The following C3orf18 variants were observed in gnomAD, a reference collection of about 807,000 sequenced individuals.
C3orf18 encodes uncharacterized protein C3orf18.
A neutral mutation model predicts 14.1 loss-of-function variants in C3orf18; 12 were observed. The ratio of observed to expected loss-of-function variants is 0.85; its 90% CI spans 0.55 to 1.38. The LOEUF (loss-of-function observed/expected upper bound fraction) is 1.38. C3orf18 is among the 40% of genes most tolerant of loss of function. The pLI is 0.00. For synonymous variants in C3orf18, 82 were observed against 87.9 expected (o/e 0.93, Z 0.38); for missense variants, 196 against 213.9 (o/e 0.92, Z 0.52).
At chr3:50,573,641 C>T (rs1701262936), upstream of C3orf18, among the ~76,000 whole-genome samples, 1 of 152,214 alleles carries the variant, frequency 6.6e-6, no homozygotes, top group East Asian at 1.9e-4. Flanking sequence ...TCTTGCTGTG[C>T]AGACATTTCT....
chr3:50,572,204 C>T, upstream of C3orf18: 4 of 1,610,622 alleles, frequency 2.5e-6, no homozygotes, highest in South Asian at 4.4e-5. Flanking sequence ...CGGCCAGAAA[C>T]AGAGGTAGGT....
At chr3:50,561,267 C>A (rs912895566) in intron 4 of C3orf18, among the ~76,000 whole-genome samples, 8 of 152,264 alleles carry the variant, frequency 5.3e-5, no homozygotes, top group Non-Finnish European at 8.8e-5. Flanking sequence ...GCCAGGGAGG[C>A]AGCAGTTACC....
chr3:50,572,140 G>C (rs778883009), upstream of C3orf18: 1 of 1,614,024 alleles, frequency 6.2e-7, no homozygotes, highest in Admixed American at 1.7e-5. Flanking sequence ...CATCCTTGGA[G>C]AGTGGGACTT....
At chr3:50,572,837 A>G (rs1244224402), upstream of C3orf18, among the ~76,000 whole-genome samples, 1 of 152,204 alleles carries the variant, frequency 6.6e-6, no homozygotes, top group Non-Finnish European at 1.5e-5. Flanking sequence ...GACGCTTTAT[A>G]TGGCCCTTCT....
chr3:50,559,130 G>T lies in C3orf18; in HGVS notation c.*527C>A, dbSNP rs1699820014. 7.8e-7 allele frequency: 1 copy of T among 1,289,828 alleles called. No homozygotes were observed. The highest frequency in any genetic ancestry group is 1.5e-5 in the African/African-American group (1 of 65,964). The allele number at this position is 1,289,828 out of a possible 1,614,324, so 79.9% of individuals were successfully genotyped here. A position where few individuals can be genotyped will look rare whatever the true frequency, so the allele number is the denominator to read the frequency against. The stretch of plus-strand genomic sequence containing the variant: ...CTTCTCCTGGCATCCTTGCATACTG[G>T]ACAGTTTCAGCTCCATCTCTGGGCT... On this transcript the variant is annotated 3_prime_UTR_variant, in exon 6 of 6. Transcript: ENST00000357203.
intron 5 of C3orf18, among the ~76,000 whole-genome samples, 166 bp from the exon 6 acceptor site, chr3:50,559,903 C>T (rs1699861804): frequency 6.6e-6 from 1 of 152,248 alleles, no homozygotes; most frequent in South Asian, 2.1e-4. Flanking sequence ...TATGACTTGG[C>T]TCAGATGACT....
At chr3:50,568,039 C>T (rs1308765100), upstream of C3orf18, among the ~76,000 whole-genome samples, 1 of 152,246 alleles carries the variant, frequency 6.6e-6, no homozygotes, top group Non-Finnish European at 1.5e-5. Flanking sequence ...ACAGAGGAGA[C>T]TTGGGGAGAG....
intron 1 of C3orf18, among the ~76,000 whole-genome samples, chr3:50,567,163 C>G (rs559238546): frequency 2.0e-5 from 3 of 152,180 alleles, no homozygotes; most frequent in Non-Finnish European, 4.4e-5. Flanking sequence ...CTTTTCTTGG[C>G]TTTGCAACTG....
chr3:50,564,539 G>A (rs1406850227), intron 3 of C3orf18, among the ~76,000 whole-genome samples: 2 of 152,146 alleles, frequency 1.3e-5, no homozygotes, highest in Non-Finnish European at 2.9e-5. Context: ...AGTCTGGAAA[G>A]CATTCCTGCT....
upstream of C3orf18, chr3:50,571,266 GA>G: frequency 2.5e-6 from 4 of 1,613,362 alleles, no homozygotes; most frequent in African/African-American, 1.3e-5. Context: ...TCTTTGAGAA[GA>G]GGGGTATCCC....
intron 3 of C3orf18, among the ~76,000 whole-genome samples, chr3:50,564,695 G>A (rs1308597279): frequency 6.6e-6 from 1 of 152,182 alleles, no homozygotes; most frequent in Non-Finnish European, 1.5e-5. Flanking sequence ...TCCAGGGCAG[G>A]TACTCAGTAA....
chr3:50,570,177 G>A (rs1269115302), upstream of C3orf18: 2 of 152,234 alleles, frequency 1.3e-5, no homozygotes, highest in Admixed American at 1.3e-4. Flanking sequence ...CGCTGGGCAA[G>A]TCGCTTCCCT....
At chr3:50,561,904 C>CCTCT in intron 3 of C3orf18, 157 bp from the exon 4 acceptor site, 2 of 599,854 alleles carry the variant, frequency 3.3e-6, no homozygotes, top group East Asian at 2.9e-5. Flanking sequence ...CTTCATGCCT[C>CCTCT]TTTTTTTTTT....
chr3:50,568,072 C>G (rs1457123495), upstream of C3orf18, among the ~76,000 whole-genome samples: 1 of 152,220 alleles, frequency 6.6e-6, no homozygotes, highest in East Asian at 1.9e-4. Flanking sequence ...AGTCCTTGGG[C>G]CTGCACTGAA....
chr3:50,565,282 G>C lies in C3orf18; in HGVS notation c.234+184C>G. 1 of 585,448 alleles carries C rather than the reference G, an allele frequency of 1.7e-6. No individual in the cohort carries two copies. Among genetic ancestry groups the C allele is most frequent in the South Asian group, 2.0e-5 (1 of 49,536 alleles). 36.3% of individuals were successfully genotyped at this position (585,448 alleles called of 1,614,324 possible). On this transcript the variant is annotated intron_variant, in intron 3 of 5. Coordinates refer to ENST00000357203, the MANE Select transcript of C3orf18 (RefSeq NM_016210.5). The surrounding 1 kb of genome is among the most constrained non-coding windows in gnomAD (Gnocchi z 4.4). ...CTTGGGAGGCTGAGGCAGGAGACTC[G>C]ATTAAGCCCCAGAGGTGGAGGTTGC...
chr3:50,559,137 T>C lies in C3orf18; in HGVS notation c.*520A>G. Reference sequence around the variant, plus strand: ...TGGCATCCTTGCATACTGGACAGTTTCAGCTCCATCTCTGGGCTTCTCAGG... The same window carrying C: ...TGGCATCCTTGCATACTGGACAGTTCCAGCTCCATCTCTGGGCTTCTCAGG... On this transcript the variant is annotated 3_prime_UTR_variant, in exon 6 of 6. Transcript: ENST00000357203. The C allele has an allele frequency of 7.8e-7, 1 of 1,289,884 alleles. No individual in the cohort carries two copies. Among genetic ancestry groups the C allele is most frequent in the Non-Finnish European group, 1.0e-6 (1 of 988,902 alleles). 79.9% of individuals were successfully genotyped at this position (1,289,884 alleles called of 1,614,324 possible). A position where few individuals can be genotyped will look rare whatever the true frequency, so the allele number is the denominator to read the frequency against.
Position 50,558,518 on chromosome 3 carries a change from G to A in C3orf18, c.*1139C>T. 5 of 391,916 alleles carry A rather than the reference G, an allele frequency of 1.3e-5. No homozygotes were observed. Among genetic ancestry groups the A allele is most frequent in the South Asian group, 1.0e-4 (5 of 48,244 alleles). 24.3% of individuals were successfully genotyped at this position (391,916 alleles called of 1,614,324 possible). On this transcript the variant is annotated 3_prime_UTR_variant, in exon 6 of 6. Coordinates refer to ENST00000357203, the MANE Select transcript of C3orf18 (RefSeq NM_016210.5). ...TTCCCATAGATGGGATGGAGGTGGG[G>A]AATTCAAACATAGACTAAGTTTTTT...
chr3:50,567,823 C>T (rs1700453324), upstream of C3orf18: 1 of 152,314 alleles, frequency 6.6e-6, no homozygotes, highest in Non-Finnish European at 1.5e-5. Context: ...AGAATTGGAC[C>T]GTTCGCTTGT....
intron 3 of C3orf18, 86 bp from the exon 4 acceptor site, chr3:50,561,833 C>A: frequency 7.0e-7 from 1 of 1,421,634 alleles, no homozygotes. Flanking sequence ...CATGCTGAGG[C>A]TGATGAACAA....
Sources: gnomAD v4.1 joint callset for allele counts (sites outside exome capture counted in the v4.1 genomes callset) on GRCh38, gnomAD v4.1.1 for gene constraint, Gnocchi (gnomAD v3.1) non-coding constraint, MANE v1.5 for transcripts, NCBI Gene and HGNC (gene_info 2026-07-23, HGNC 2026-07-21) for gene names.